The following ETS1 variants were observed in gnomAD, a reference collection of about 807,000 sequenced individuals.
ETS1 encodes protein C-ets-1.
In ETS1, 15 loss-of-function variants were observed where a neutral mutation model predicts 58.6. That is an observed-to-expected ratio of 0.26 (90% confidence interval 0.17 to 0.39). The LOEUF is 0.39. ETS1 is among the 10% of genes least tolerant of loss of function. ETS1 has a pLI of 1.00. For missense variants in ETS1, 417 were observed against 610.5 expected, an observed-to-expected ratio of 0.68 and a Z score of 3.34; for synonymous variants, 214 against 218.2, an observed-to-expected ratio of 0.98 and a Z score of 0.17.
chr11:128,485,540 G>A (rs1298515438), intron 6 of ETS1, among the ~76,000 whole-genome samples: 1 of 152,202 alleles, frequency 6.6e-6, no homozygotes, highest in Non-Finnish European at 1.5e-5. Flanking sequence ...TTACATTAGT[G>A]CAACAGGCCT....
At chr11:128,494,167 C>G (rs1026302876) in intron 3 of ETS1, among the ~76,000 whole-genome samples, 2 of 152,166 alleles carry the variant, frequency 1.3e-5, no homozygotes, top group Non-Finnish European at 2.9e-5. Context: ...ATCTTAAATT[C>G]AAATAACGTA....
chr11:128,579,331 G>C (rs1864815500), intron 1 of ETS1, among the ~76,000 whole-genome samples: 1 of 151,866 alleles, frequency 6.6e-6, no homozygotes, highest in African/African-American at 2.4e-5. Flanking sequence ...CAAACAAAAA[G>C]CATGTCCTTT....
At chr11:128,481,041 T>C (rs993857504) in intron 7 of ETS1, among the ~76,000 whole-genome samples, 14 of 152,210 alleles carry the variant, frequency 9.2e-5, no homozygotes, top group Admixed American at 6.5e-4. Flanking sequence ...TAATATGAAA[T>C]ACATGTACTG....
Position 128,461,832 on chromosome 11 carries a change from T to G in ETS1, c.*529A>C, listed in dbSNP as rs1201264942. 6.5e-6 allele frequency: 1 copy of G among 152,950 alleles called. No homozygotes were observed. Among genetic ancestry groups the G allele is most frequent in the Non-Finnish European group, 1.5e-5 (1 of 68,266 alleles). The allele number at this position is 152,950 out of a possible 1,614,324, so 9.5% of individuals were successfully genotyped here. A position where few individuals can be genotyped will look rare whatever the true frequency, so the allele number is the denominator to read the frequency against. On this transcript the variant is annotated 3_prime_UTR_variant, in exon 10 of 10. Transcript: ENST00000392668. ...CGGTTTTGGCCCCTCCCCACTGAAG[T>G]CCATCTTTGCTTCAAAACTAGAGTG... is the stretch of plus-strand genomic sequence containing the variant.
At chr11:128,555,385 C>A (rs1267788966) in intron 3 of ETS1, among the ~76,000 whole-genome samples, 1 of 152,146 alleles carries the variant, frequency 6.6e-6, no homozygotes, top group Non-Finnish European at 1.5e-5. Context: ...TTAGTGACTC[C>A]CCCTGCCATG....
intron 3 of ETS1, among the ~76,000 whole-genome samples, chr11:128,533,980 A>G (rs146947587): frequency 3.3e-5 from 5 of 152,384 alleles, no homozygotes; most frequent in African/African-American, 9.6e-5. Context: ...AAGATGGTAC[A>G]TTCAGGCCTA....
chr11:128,470,092 C>A (rs1862144326), intron 8 of ETS1, among the ~76,000 whole-genome samples: 1 of 152,190 alleles, frequency 6.6e-6, no homozygotes, highest in Non-Finnish European at 1.5e-5. Context: ...CAAACAACAA[C>A]TTTATAAACT....
intron 2 of ETS1, among the ~76,000 whole-genome samples, chr11:128,563,046 G>A (rs1231172306): frequency 1.3e-5 from 2 of 152,056 alleles, no homozygotes; most frequent in Non-Finnish European, 2.9e-5. Flanking sequence ...TGTGGAGTGG[G>A]TGATCTATTC....
chr11:128,545,626 G>C (rs1395613373), intron 3 of ETS1, among the ~76,000 whole-genome samples: 2 of 152,226 alleles, frequency 1.3e-5, no homozygotes, highest in Non-Finnish European at 2.9e-5. Context: ...AGCAGCTCTA[G>C]AAGAACAGGC....
At chr11:128,568,126 T>C (rs955838473) in intron 2 of ETS1, among the ~76,000 whole-genome samples, 21 of 152,300 alleles carry the variant, frequency 1.4e-4, no homozygotes, top group African/African-American at 5.1e-4. Context: ...TCCCAAAGTC[T>C]GTGGCTCTGG....
At chr11:128,499,020 A>G (rs1487869755) in intron 3 of ETS1, among the ~76,000 whole-genome samples, 4 of 152,198 alleles carry the variant, frequency 2.6e-5, no homozygotes, top group African/African-American at 7.2e-5. Context: ...TTTCGTCTCC[A>G]TGGCTTTGCA....
chr11:128,585,483 T>G (rs1865015839), intron 1 of ETS1, among the ~76,000 whole-genome samples: 1 of 152,164 alleles, frequency 6.6e-6, no homozygotes, highest in African/African-American at 2.4e-5. Context: ...TCACCAATAA[T>G]TAAAATCACA....
Position 128,459,915 on chromosome 11 carries a change from G to A in ETS1, c.*2446C>T, listed in dbSNP as rs1394610907. 1.3e-5 allele frequency: 2 copies of A among 152,184 alleles called. No homozygotes were observed. The highest frequency in any genetic ancestry group is 2.1e-4 in the South Asian group (1 of 4,816). The allele number at this position is 152,184 out of a possible 1,614,324, so 9.4% of individuals were successfully genotyped here. On this transcript the variant is annotated 3_prime_UTR_variant, in exon 10 of 10. Coordinates refer to ENST00000392668, the MANE Select transcript of ETS1 (RefSeq NM_001143820.2). ...TTTCCGGCATAAATTTAATAGGAAC[G>A]GTGGATGATTTGAGAAAGTGATTTT... is the stretch of plus-strand genomic sequence containing the variant.
At chr11:128,493,068 G>A (rs906106760) in intron 3 of ETS1, among the ~76,000 whole-genome samples, 8 of 152,132 alleles carry the variant, frequency 5.3e-5, no homozygotes, top group African/African-American at 1.7e-4. Flanking sequence ...TACTGATGGC[G>A]GAAATTGGCC....
At chr11:128,585,340 G>GAAGGAAGGAAGC (rs1865011815) in intron 1 of ETS1, among the ~76,000 whole-genome samples, 2 of 130,448 alleles carry the variant, frequency 1.5e-5, no homozygotes, top group East Asian at 2.6e-4. Context: ...AGCAAGGAAG[G>GAAGGAAGGAAGC]AAGGAAGCAA....
chr11:128,541,932 C>T (rs905939871), intron 3 of ETS1, among the ~76,000 whole-genome samples: 1 of 152,166 alleles, frequency 6.6e-6, no homozygotes, highest in Non-Finnish European at 1.5e-5. Flanking sequence ...AAGGGCTCCA[C>T]ACGAGAACAA....
chr11:128,532,882 TC>T (rs1008192836), intron 3 of ETS1, among the ~76,000 whole-genome samples: 31 of 152,166 alleles, frequency 2.0e-4, no homozygotes, highest in Admixed American at 9.8e-4. Context: ...GACATCTATC[TC>T]CCTCTATTAA....
At chr11:128,575,050 G>A (rs1864714490) in intron 1 of ETS1, among the ~76,000 whole-genome samples, 1 of 152,090 alleles carries the variant, frequency 6.6e-6, no homozygotes, top group Non-Finnish European at 1.5e-5. Flanking sequence ...AAGCCCCAAG[G>A]ATCTCCTGAG....
At chr11:128,535,592 CT>C (rs1476485970) in intron 3 of ETS1, among the ~76,000 whole-genome samples, 1 of 152,134 alleles carries the variant, frequency 6.6e-6, no homozygotes, top group Non-Finnish European at 1.5e-5. Flanking sequence ...ATTTTGAACT[CT>C]GCCAAATCCC....
Sources: allele counts gnomAD v4.1 joint callset (sites outside exome capture counted in the v4.1 genomes callset), GRCh38; gene constraint gnomAD v4.1.1; transcripts MANE v1.5; gene names NCBI Gene and HGNC (gene_info 2026-07-23, HGNC 2026-07-21).